The following BCLAF3 variants were observed in gnomAD, a reference collection of about 807,000 sequenced individuals.
The protein encoded by BCLAF3 is transient octamer binding factor 1.
Under a neutral mutation model 51.2 loss-of-function variants are expected in BCLAF3, and 24 were observed. The observed-to-expected ratio is 0.47, with a 90% CI of 0.34 to 0.66. The LOEUF is 0.66. BCLAF3 is among the 30% of genes least tolerant of loss of function. The probability of loss-of-function intolerance (pLI) is 0.01; values close to 1 mark genes in which losing one functional copy is unlikely to be tolerated. For synonymous variants in BCLAF3, 152 were observed against 176.6 expected, an observed-to-expected ratio of 0.86 and a Z score of 1.10; for missense variants, 465 against 525.1, an observed-to-expected ratio of 0.89 and a Z score of 1.12.
intron 1 of BCLAF3, among the ~76,000 whole-genome samples, chrX:19,970,964 C>T (rs2072237311): frequency 8.9e-6 from 1 of 112,485 alleles, no homozygotes; most frequent in Admixed American, 9.4e-5. Context: ...ACAAGCACTA[C>T]TACTTTCCTG....
intron 8 of BCLAF3, among the ~76,000 whole-genome samples, chrX:19,940,430 C>T (rs913315115): frequency 1.8e-5 from 2 of 110,733 alleles, no homozygotes; most frequent in Non-Finnish European, 3.8e-5. Flanking sequence ...CTCCCCTAAC[C>T]CCACCACAGA....
In BCLAF3 at chrX:19,913,903, C is replaced by T. The variant is rs2069867798; in HGVS notation, c.*3402G>A. ...TGTCAAGATTTATAACATTTACATA[C>T]TATTCTACATCTATGATTCCTCAGT... On this transcript the variant is annotated 3_prime_UTR_variant, in exon 12 of 12. Coordinates refer to ENST00000379682, the MANE Select transcript of BCLAF3 (RefSeq NM_001367774.2). The T allele has an allele frequency of 8.9e-6, 1 of 111,903 alleles. No individual in the cohort carries two copies. The highest frequency in any genetic ancestry group is 1.9e-5 in the Non-Finnish European group (1 of 53,217). 9.2% of individuals were successfully genotyped at this position (111,903 alleles called of 1,213,427 possible). A position where few individuals can be genotyped will look rare whatever the true frequency, so the allele number is the denominator to read the frequency against.
chrX:19,990,219 G>T (rs991891305), intron 1 of BCLAF3, among the ~76,000 whole-genome samples: 4 of 110,981 alleles, frequency 3.6e-5, no homozygotes, highest in Non-Finnish European at 7.6e-5. Flanking sequence ...TATTTACGGG[G>T]TAGGTTTCTC....
chrX:19,987,493 T>C (rs982586117), intron 1 of BCLAF3, among the ~76,000 whole-genome samples: 1 of 111,110 alleles, frequency 9.0e-6, no homozygotes, highest in African/African-American at 3.3e-5. Context: ...TTAGCAGAGA[T>C]GGGGTTTCAC....
intron 1 of BCLAF3, among the ~76,000 whole-genome samples, chrX:19,972,359 T>C (rs2072284885): frequency 9.0e-6 from 1 of 111,700 alleles, no homozygotes; most frequent in South Asian, 3.7e-4. Flanking sequence ...ACCTATTAAA[T>C]TTAATGAAAA....
At chrX:19,956,180 C>T (rs2071655659) in intron 4 of BCLAF3, among the ~76,000 whole-genome samples, 1 of 111,904 alleles carries the variant, frequency 8.9e-6, no homozygotes, top group Non-Finnish European at 1.9e-5. Context: ...CCTCAATGTA[C>T]CCTTAAAGAA....
chrX:19,979,835 C>A (rs2072553167), intron 1 of BCLAF3, among the ~76,000 whole-genome samples: 1 of 108,974 alleles, frequency 9.2e-6, no homozygotes, highest in East Asian at 2.9e-4. Context: ...AGAATAAACT[C>A]AAATTAAAAT....
intron 8 of BCLAF3, among the ~76,000 whole-genome samples, chrX:19,947,220 C>T (rs186820256): frequency 4.5e-4 from 50 of 112,125 alleles, no homozygotes; most frequent in African/African-American, 1.5e-3. Flanking sequence ...CCAGCTAAAA[C>T]GACAGTCTGT....
intron 2 of BCLAF3, among the ~76,000 whole-genome samples, chrX:19,966,875 G>A (rs1050970492): frequency 1.8e-5 from 2 of 111,140 alleles, no homozygotes; most frequent in Non-Finnish European, 3.8e-5. Flanking sequence ...GGTATTCCAC[G>A]TGCTTATCCA....
At chrX:19,918,242 T>C (rs2069994675) in intron 11 of BCLAF3, 1 of 111,580 alleles carries the variant, frequency 9.0e-6, no homozygotes. Context: ...TGCACGTATA[T>C]ATTTGTCAAC....
chrX:19,963,181 CTTTT>C (rs10538654), intron 4 of BCLAF3, among the ~76,000 whole-genome samples: 6 of 76,405 alleles, frequency 7.9e-5, no homozygotes, highest in Non-Finnish European at 1.0e-4. Context: ...TCCAAGCTCC[CTTTT>C]TTTTTTTTTT....
At chrX:19,953,240 T>C (rs1196513120) in intron 6 of BCLAF3, among the ~76,000 whole-genome samples, 189 bp from the exon 7 acceptor site, 1 of 111,428 alleles carries the variant, frequency 9.0e-6, no homozygotes, top group African/African-American at 3.3e-5. Context: ...GAACACACTA[T>C]AGGGAAGCTT....
chrX:19,921,294 C>T (rs910755542), intron 11 of BCLAF3, among the ~76,000 whole-genome samples: 3 of 111,767 alleles, frequency 2.7e-5, no homozygotes, highest in Non-Finnish European at 5.6e-5. Context: ...GACTCCAAAG[C>T]TTCCAAAAAC....
At chrX:19,954,314 G>A (rs2071589755) in intron 5 of BCLAF3, 4 of 425,922 alleles carry the variant, frequency 9.4e-6, no homozygotes, top group Non-Finnish European at 1.2e-5. Flanking sequence ...AATACTAAAT[G>A]TTATGTTTGC....
intron 1 of BCLAF3, among the ~76,000 whole-genome samples, chrX:19,977,381 T>C (rs1477085007): frequency 8.9e-6 from 1 of 112,142 alleles, no homozygotes; most frequent in South Asian, 3.6e-4. Context: ...GTTACTTCAA[T>C]GAACACATGA....
At chrX:19,979,077 T>G (rs961289296) in intron 1 of BCLAF3, among the ~76,000 whole-genome samples, 4 of 110,848 alleles carry the variant, frequency 3.6e-5, no homozygotes, top group African/African-American at 1.3e-4. Flanking sequence ...CTGGCCAACA[T>G]GGTGAAACCC....
At chrX:19,979,126 G>A (rs2072528134) in intron 1 of BCLAF3, among the ~76,000 whole-genome samples, 1 of 110,648 alleles carries the variant, frequency 9.0e-6, no homozygotes, top group African/African-American at 3.3e-5. Context: ...CAGGTGTGGT[G>A]GCATACACCT....
intron 1 of BCLAF3, among the ~76,000 whole-genome samples, chrX:19,980,602 C>A: frequency 9.0e-6 from 1 of 111,125 alleles, no homozygotes; most frequent in East Asian, 2.8e-4. Flanking sequence ...ATATAAGACA[C>A]TAAAAGAAAG....
intron 1 of BCLAF3, among the ~76,000 whole-genome samples, chrX:19,982,396 T>C (rs1437137422): frequency 1.8e-5 from 2 of 111,127 alleles, no homozygotes; most frequent in Admixed American, 9.7e-5. Flanking sequence ...AAGGGGAAGG[T>C]AGACCTGAAG....
Sources: allele counts gnomAD v4.1 joint callset (sites outside exome capture counted in the v4.1 genomes callset), GRCh38; gene constraint gnomAD v4.1.1; transcripts MANE v1.5; gene names NCBI Gene and HGNC (gene_info 2026-07-23, HGNC 2026-07-21).